Variants in CNTN5 observed in about 807,000 individuals in gnomAD.
CNTN5 encodes contactin-5.
In CNTN5, 77 loss-of-function variants were observed where a neutral mutation model predicts 129.1. The observed-to-expected ratio is 0.60, with a 90% CI of 0.50 to 0.72. CNTN5 has a LOEUF of 0.72. CNTN5 is among the 30% of genes least tolerant of loss of function. CNTN5 has a pLI of 0.00. For synonymous variants in CNTN5, 509 were observed against 465.6 expected (o/e 1.09, Z -1.20); for missense variants, 1,478 against 1,328.8 (o/e 1.11, Z -1.75).
rs537565358 is a variant in CNTN5, at chr11:99,208,928, T to A, written c.-209-116418T>A. Reference sequence around the variant, plus strand: ...TTATATTATAGAAATTAAATTACTATTTATTGAGCATATGCATCTCAATTT... The same window carrying A: ...TTATATTATAGAAATTAAATTACTAATTATTGAGCATATGCATCTCAATTT... On this transcript the variant is annotated intron_variant, in intron 1 of 24. Transcript: ENST00000524871. Among the ~76,000 whole-genome samples, 363 of 152,252 alleles carry A rather than the reference T, an allele frequency of 2.4e-3. 4 individuals carry two copies. Among genetic ancestry groups the A allele is most frequent in the African/African-American group, 8.4e-3 (349 of 41,566 alleles).
intron 2 of CNTN5, among the ~76,000 whole-genome samples, chr11:99,426,462 T>C (rs1038470296): frequency 1.3e-5 from 2 of 152,192 alleles, no homozygotes; most frequent in Non-Finnish European, 2.9e-5. Context: ...TCAATTCTTA[T>C]AAACAAATCT....
In CNTN5 at chr11:100,281,797, C is replaced by T. The variant is rs369992904; in HGVS notation, c.2314+10556C>T. On this transcript the variant is annotated intron_variant, in intron 18 of 24. Coordinates refer to ENST00000524871, the MANE Select transcript of CNTN5 (RefSeq NM_014361.4). Reference sequence around the variant, plus strand: ...TTCTTTTTTCTTTTGTCTAGTCTGACGTATATTTTCAAATAGCCTATCTTA... The same window carrying T: ...TTCTTTTTTCTTTTGTCTAGTCTGATGTATATTTTCAAATAGCCTATCTTA... 3.0e-4 allele frequency among the ~76,000 whole-genome samples: 46 copies of T among 152,054 alleles called. 1 individual carries two copies. The East Asian group carries it at 6.2e-3, about 20-fold the overall frequency.
intron 9 of CNTN5, among the ~76,000 whole-genome samples, chr11:100,023,855 T>C (rs1941284111): frequency 6.6e-6 from 1 of 152,072 alleles, no homozygotes; most frequent in Non-Finnish European, 1.5e-5. Context: ...TTTTTTTTAA[T>C]ACTTCATGTT....
At chr11:99,284,828 A>G (rs1324332698) in intron 1 of CNTN5, among the ~76,000 whole-genome samples, 1 of 152,052 alleles carries the variant, frequency 6.6e-6, no homozygotes, top group Non-Finnish European at 1.5e-5. Flanking sequence ...ATGCTGCTGG[A>G]TAGTAGATAA....
intron 1 of CNTN5, among the ~76,000 whole-genome samples, chr11:99,106,562 A>G (rs1359829591): frequency 6.6e-6 from 1 of 152,076 alleles, no homozygotes; most frequent in African/African-American, 2.4e-5. Context: ...TGTCATTTAT[A>G]TCAAATATTA....
chr11:99,235,670 C>A (rs146020171), intron 1 of CNTN5, among the ~76,000 whole-genome samples: 2 of 152,090 alleles, frequency 1.3e-5, no homozygotes, highest in African/African-American at 4.8e-5. Context: ...TTGGTTAGAT[C>A]TGAGAATATT....
At chr11:99,805,735 G>T (rs200321969) in intron 3 of CNTN5, among the ~76,000 whole-genome samples, 20 of 152,136 alleles carry the variant, frequency 1.3e-4, no homozygotes, top group African/African-American at 4.6e-4. Flanking sequence ...ACAAATGAAG[G>T]TCACATTTGC....
intron 9 of CNTN5, among the ~76,000 whole-genome samples, chr11:100,014,981 G>T (rs185919446): frequency 4.5e-4 from 69 of 152,160 alleles, no homozygotes; most frequent in Non-Finnish European, 7.9e-4. Context: ...TTTTCCAAAG[G>T]TATAAAATTT....
intron 6 of CNTN5, among the ~76,000 whole-genome samples, chr11:99,859,074 C>T (rs1185914134): frequency 6.6e-6 from 1 of 152,112 alleles, no homozygotes; most frequent in Non-Finnish European, 1.5e-5. Context: ...CTTTCTTTAC[C>T]TGACTCTGTG....
chr11:99,237,123 T>A (rs903683436), intron 1 of CNTN5, among the ~76,000 whole-genome samples: 1 of 152,146 alleles, frequency 6.6e-6, no homozygotes, highest in East Asian at 1.9e-4. Flanking sequence ...AGTTTTTTAA[T>A]TTGTTATTTT....
intron 2 of CNTN5, among the ~76,000 whole-genome samples, chr11:99,474,124 A>G (rs1263136354): frequency 6.6e-6 from 1 of 152,098 alleles, no homozygotes; most frequent in Non-Finnish European, 1.5e-5. Context: ...TCCAGTCTAT[A>G]ATATGCCTGA....
intron 3 of CNTN5, among the ~76,000 whole-genome samples, chr11:99,675,224 G>A (rs1171874014): frequency 1.3e-5 from 2 of 152,088 alleles, no homozygotes; most frequent in East Asian, 1.9e-4. Flanking sequence ...CACTTTAATA[G>A]AGAGTAAACC....
intron 13 of CNTN5, among the ~76,000 whole-genome samples, chr11:100,183,142 C>A (rs1376582974): frequency 6.6e-6 from 1 of 152,088 alleles, no homozygotes; most frequent in Non-Finnish European, 1.5e-5. Flanking sequence ...TCATACACTG[C>A]TGGTAGGAAT....
At chr11:99,449,096 A>G (rs908527479) in intron 2 of CNTN5, among the ~76,000 whole-genome samples, 3 of 152,076 alleles carry the variant, frequency 2.0e-5, no homozygotes, top group Non-Finnish European at 4.4e-5. Context: ...AATGTTTTAT[A>G]TAACAATTCT....
At chr11:99,144,720 A>G (rs531458061) in intron 1 of CNTN5, among the ~76,000 whole-genome samples, 42 of 150,866 alleles carry the variant, frequency 2.8e-4, no homozygotes, top group Middle Eastern at 3.4e-3. Context: ...AGCTTATTAT[A>G]TTTTCTATTT....
intron 1 of CNTN5, among the ~76,000 whole-genome samples, chr11:99,106,441 CATTA>C (rs140006927): frequency 0.034 from 5,103 of 151,896 alleles, 285 homozygotes; most frequent in African/African-American, 0.11. Context: ...TTACAGACTA[CATTA>C]ATTAATATAT....
rs185047335 is a variant in CNTN5, at chr11:99,836,806, T to A, written c.278-8046T>A. Reference sequence around the variant, plus strand: ...TCTCCACATCCTCTCCAGCACCTGTTGTTTCCTGACTTTTTAATGATTGCC... The same window carrying A: ...TCTCCACATCCTCTCCAGCACCTGTAGTTTCCTGACTTTTTAATGATTGCC... On this transcript the variant is annotated intron_variant, in intron 4 of 24. Transcript: ENST00000524871. 6.1e-3 allele frequency among the ~76,000 whole-genome samples: 922 copies of A among 152,288 alleles called. 5 individuals carry two copies. Among genetic ancestry groups the A allele is most frequent in the Non-Finnish European group, 8.4e-3 (569 of 68,022 alleles).
At chr11:99,359,552 G>T (rs569759357) in intron 2 of CNTN5, among the ~76,000 whole-genome samples, 1 of 150,630 alleles carries the variant, frequency 6.6e-6, no homozygotes, top group African/African-American at 2.4e-5. Flanking sequence ...GTCTTACCTT[G>T]TTCCTTATTT....
At chr11:99,713,767 TG>T (rs1452838268) in intron 3 of CNTN5, among the ~76,000 whole-genome samples, 2 of 151,938 alleles carry the variant, frequency 1.3e-5, no homozygotes, top group Non-Finnish European at 1.5e-5. Context: ...GGCATTTTAT[TG>T]TAGAAAGTAA....
Sources: gnomAD v4.1 joint callset for allele counts (sites outside exome capture counted in the v4.1 genomes callset) on GRCh38, gnomAD v4.1.1 for gene constraint, MANE v1.5 for transcripts, NCBI Gene and HGNC (gene_info 2026-07-23, HGNC 2026-07-21) for gene names.